DPP6: variants seen among roughly 807,000 people sequenced by gnomAD.
DPP6 encodes the protein A-type potassium channel modulatory protein DPP6.
A neutral mutation model predicts 122.6 loss-of-function variants in DPP6; 69 were observed. The ratio of observed to expected loss-of-function variants is 0.56; its 90% confidence interval spans 0.46 to 0.69. DPP6 has a LOEUF of 0.69. Among genes scored for constraint, DPP6 ranks in the 30% least tolerant of loss-of-function variants. The probability of loss-of-function intolerance (pLI) is 0.00; values close to 1 mark genes in which losing one functional copy is unlikely to be tolerated. For missense variants in DPP6, 928 were observed against 1,116.9 expected (o/e 0.83, Z 2.41); for synonymous variants, 418 against 433.1 (o/e 0.97, Z 0.43).
In DPP6 at chr7:154,889,541, C is replaced by CA. The variant is rs779054353; in HGVS notation, c.2451+12dup. 2 of 1,602,232 alleles carry CA rather than the reference C, an allele frequency of 1.2e-6. No homozygotes were observed. The highest frequency in any genetic ancestry group is 1.7e-6 in the Non-Finnish European group (2 of 1,174,298). On this transcript the variant is annotated intron_variant, in intron 25 of 25. Transcript: ENST00000377770. ...AATTACAGCTTACAGGTACAGTACG[C>CA]ATGTTACTCTGTTTTGAACCTGGAG...
intron 1 of DPP6, among the ~76,000 whole-genome samples, chr7:154,187,694 A>G (rs1365902220): frequency 1.3e-5 from 2 of 152,170 alleles, no homozygotes; most frequent in African/African-American, 2.4e-5. Flanking sequence ...GTTTAATCCT[A>G]TCTTTCCTAT....
intron 8 of DPP6, among the ~76,000 whole-genome samples, chr7:154,750,600 G>T (rs1587020115): frequency 6.6e-6 from 1 of 152,218 alleles, no homozygotes; most frequent in Non-Finnish European, 1.5e-5. Flanking sequence ...GGGTGGCGGG[G>T]GTCGGCTTCC....
At chr7:154,395,596 G>C (rs1241699621) in intron 1 of DPP6, among the ~76,000 whole-genome samples, 1 of 152,022 alleles carries the variant, frequency 6.6e-6, no homozygotes, top group East Asian at 1.9e-4. Context: ...TATTGTGCAT[G>C]GACTTTGAAA....
At chr7:154,402,771 AAAAAAT>A (rs575298987) in intron 1 of DPP6, among the ~76,000 whole-genome samples, 138 of 150,208 alleles carry the variant, frequency 9.2e-4, no homozygotes, top group East Asian at 2.1e-3. Context: ...AAAAAAAAGA[AAAAAAT>A]AAAAATAAAA....
At chr7:153,831,441 A>G in the DPP6 span, among the ~76,000 whole-genome samples, 2 of 152,276 alleles carry the variant, frequency 1.3e-5, no homozygotes, top group East Asian at 1.9e-4. Flanking sequence ...TGAAGAAACT[A>G]AGCTACGAAG....
chr7:154,573,074 A>G (rs1831231591), intron 5 of DPP6, among the ~76,000 whole-genome samples: 1 of 152,166 alleles, frequency 6.6e-6, no homozygotes, highest in Non-Finnish European at 1.5e-5. Context: ...CATTACAAGA[A>G]GGGATGAAAT....
At chr7:153,977,538 A>T (rs113557427) in intron 1 of DPP6, among the ~76,000 whole-genome samples, 2 of 152,022 alleles carry the variant, frequency 1.3e-5, no homozygotes, top group Admixed American at 1.3e-4. Context: ...CCCCAGCCTC[A>T]TTCTTTCTTT....
chr7:154,763,692 ACT>A (rs1563183994), intron 8 of DPP6, among the ~76,000 whole-genome samples: 2 of 152,072 alleles, frequency 1.3e-5, no homozygotes, highest in African/African-American at 4.8e-5. Flanking sequence ...TGTGAGAAGA[ACT>A]CTTAGAGAAA....
rs190523094 is a variant in DPP6 at position 154,062,828 on chromosome 7, G to A, written c.243+9765G>A. Among the ~76,000 whole-genome samples the A allele has an allele frequency of 3.0e-3, 370 of 121,790 alleles. 41 individuals carry two copies. The highest frequency in any genetic ancestry group is 0.011 in the African/African-American group (344 of 32,392). The allele number at this position is 121,790 out of a possible 152,430, so 79.9% of individuals were successfully genotyped here. Reference sequence around the variant, plus strand: ...ATCGCAGAGGGGGGAGGCACCCCCCGCGAGGCGGGGACTGCGAGCCAGACC... The same window carrying A: ...ATCGCAGAGGGGGGAGGCACCCCCCACGAGGCGGGGACTGCGAGCCAGACC... On this transcript the variant is annotated intron_variant, in intron 1 of 25. Coordinates refer to ENST00000377770, the MANE Select transcript of DPP6 (RefSeq NM_130797.4).
chr7:153,998,723 ATCC>A (rs1286219048), intron 1 of DPP6, among the ~76,000 whole-genome samples: 3 of 152,210 alleles, frequency 2.0e-5, no homozygotes, highest in Admixed American at 6.5e-5. Context: ...ACTGCCCTTT[ATCC>A]TCCTATTAAA....
At position 154,241,183 on chromosome 7, in the gene DPP6, A is replaced by ATGTG. The variant is rs1554498746; in HGVS notation, c.243+188121_243+188122insGTGT. ...CTGCACAGTAGGTAATTCAATATCA[A>ATGTG]TATGTGTGTGTGTGTGTGTGTGTGT... On this transcript the variant is annotated intron_variant, in intron 1 of 25. Coordinates refer to ENST00000377770, the MANE Select transcript of DPP6 (RefSeq NM_130797.4). The surrounding 1 kb of genome is among the most constrained non-coding windows in gnomAD (Gnocchi z 9.0). Among the ~76,000 whole-genome samples the ATGTG allele has an allele frequency of 0.02, 714 of 35,530 alleles. 2 individuals carry two copies. Among genetic ancestry groups the ATGTG allele is most frequent in the Non-Finnish European group, 0.03 (458 of 15,034 alleles). 23.3% of individuals were successfully genotyped at this position (35,530 alleles called of 152,430 possible).
chr7:154,650,518 T>A (rs541454963), intron 6 of DPP6, among the ~76,000 whole-genome samples: 1 of 152,136 alleles, frequency 6.6e-6, no homozygotes, highest in Non-Finnish European at 1.5e-5. Flanking sequence ...TAAAAGAAGA[T>A]AAGCCATGGT....
At position 154,114,583 on chromosome 7, in the gene DPP6, C is replaced by T. The variant is rs138364916; in HGVS notation, c.243+61520C>T. ...ATCTTAAGCAGGGAGGCCTTAACTGCATTGTCTCATGCCTTTAACCAGTGA... is the reference window on the plus strand; with the variant it reads ...ATCTTAAGCAGGGAGGCCTTAACTGTATTGTCTCATGCCTTTAACCAGTGA... On this transcript the variant is annotated intron_variant, in intron 1 of 25. Coordinates refer to ENST00000377770, the MANE Select transcript of DPP6 (RefSeq NM_130797.4). 2.5e-3 allele frequency among the ~76,000 whole-genome samples: 383 copies of T among 152,276 alleles called. 1 individual carries two copies. The highest frequency in any genetic ancestry group is 8.8e-3 in the African/African-American group (366 of 41,568).
chr7:154,248,971 A>G (rs755085463), intron 1 of DPP6, among the ~76,000 whole-genome samples: 4 of 152,260 alleles, frequency 2.6e-5, no homozygotes, highest in African/African-American at 4.8e-5. Context: ...ATGTCTTGGC[A>G]TGTGCCTCCT....
At chr7:154,740,562 GC>G (rs1842772311) in intron 8 of DPP6, among the ~76,000 whole-genome samples, 1 of 152,196 alleles carries the variant, frequency 6.6e-6, no homozygotes, top group Non-Finnish European at 1.5e-5. Flanking sequence ...ACCAGATAAT[GC>G]TAAACTCCTT....
intron 1 of DPP6, among the ~76,000 whole-genome samples, chr7:153,964,807 CTTTCCTTTCCTTTCCTTTCCT>C (rs1356159726): frequency 0.025 from 1,315 of 51,982 alleles, 86 homozygotes; most frequent in African/African-American, 0.13. Flanking sequence ...CTTTCCTTTC[CTTTCCTTTCCTTTCCTTTCCT>C]TTTCCTTTTC....
intron 12 of DPP6, among the ~76,000 whole-genome samples, chr7:154,800,315 C>T (rs1054330249): frequency 6.6e-6 from 1 of 152,212 alleles, no homozygotes; most frequent in Non-Finnish European, 1.5e-5. Flanking sequence ...GGTTCACTCA[C>T]TGTAGGGAAA....
intron 5 of DPP6, among the ~76,000 whole-genome samples, chr7:154,569,061 C>G (rs1830947518): frequency 6.6e-6 from 1 of 151,958 alleles, no homozygotes; most frequent in Non-Finnish European, 1.5e-5. Context: ...AAGATACAAT[C>G]CAAGTTCTTG....
At chr7:154,670,761 A>C (rs1838503868) in intron 7 of DPP6, among the ~76,000 whole-genome samples, 1 of 152,234 alleles carries the variant, frequency 6.6e-6, no homozygotes, top group African/African-American at 2.4e-5. Context: ...ATAGGCTGTC[A>C]TCTATCTTAC....
Sources: allele counts gnomAD v4.1 joint callset (sites outside exome capture counted in the v4.1 genomes callset), GRCh38; gene constraint gnomAD v4.1.1; non-coding constraint Gnocchi (gnomAD v3.1); transcripts MANE v1.5; gene names NCBI Gene and HGNC (gene_info 2026-07-23, HGNC 2026-07-21).